MYO16: variants seen among roughly 807,000 people sequenced by gnomAD.
The protein encoded by MYO16 is unconventional myosin-XVI.
Under a neutral mutation model 205.3 loss-of-function variants are expected in MYO16, and 94 were observed. That is an observed-to-expected ratio of 0.46 (90% confidence interval 0.39 to 0.54). MYO16 has a LOEUF of 0.54. Among genes scored for constraint, MYO16 ranks in the 20% least tolerant of loss-of-function variants. The pLI is 0.00. For synonymous variants in MYO16, 988 were observed against 954.0 expected, an observed-to-expected ratio of 1.04 and a Z score of -0.66; for missense variants, 2,315 against 2,387.5, an observed-to-expected ratio of 0.97 and a Z score of 0.63.
chr13:109,170,677 A>G (rs1420786945), intron 33 of MYO16, among the ~76,000 whole-genome samples: 1 of 152,112 alleles, frequency 6.6e-6, no homozygotes, highest in East Asian at 1.9e-4. Flanking sequence ...AATAATAATA[A>G]TAAAAACGGC....
chr13:108,963,291 G>A lies in MYO16; in HGVS notation c.2227+796G>A, dbSNP rs992369717. 4.6e-5 allele frequency among the ~76,000 whole-genome samples: 7 copies of A among 152,040 alleles called. 1 individual carries two copies. The highest frequency in any genetic ancestry group is 1.3e-4 in the Admixed American group (2 of 15,248). ...GGGCCTATGTGCATGTATTTAGGTAGGTGAGTCATTATTCCTGCCTCACTT... is the reference window on the plus strand; with the variant it reads ...GGGCCTATGTGCATGTATTTAGGTAAGTGAGTCATTATTCCTGCCTCACTT... On this transcript the variant is annotated intron_variant, in intron 19 of 34. Coordinates refer to ENST00000457511, the MANE Select transcript of MYO16 (RefSeq NM_001198950.3).
chr13:108,855,396 T>A (rs528855546), intron 10 of MYO16, 47 bp from the exon 11 acceptor site: 1 of 1,191,904 alleles, frequency 8.4e-7, no homozygotes, highest in South Asian at 1.7e-5. Flanking sequence ...TGAAGAAAGT[T>A]GATTGGAAAG....
chr13:108,704,451 G>A lies in MYO16; in HGVS notation c.293-8210G>A, dbSNP rs150794134. The stretch of plus-strand genomic sequence containing the variant: ...ACCAACATGGCACATGTATACCTAT[G>A]TAACAAACCTGCATGTTGTGCACAT... On this transcript the variant is annotated intron_variant, in intron 2 of 34. Transcript: ENST00000457511. 1.5e-3 allele frequency among the ~76,000 whole-genome samples: 232 copies of A among 152,200 alleles called. 1 individual carries two copies. Among genetic ancestry groups the A allele is most frequent in the African/African-American group, 5.3e-3 (222 of 41,526 alleles).
chr13:108,499,062 A>T, the MYO16 span, among the ~76,000 whole-genome samples: 2 of 152,246 alleles, frequency 1.3e-5, no homozygotes, highest in East Asian at 3.9e-4. Flanking sequence ...CCTGCCCTGG[A>T]TGTGCTATTC....
chr13:108,932,839 A>G (rs1327364617), intron 16 of MYO16, among the ~76,000 whole-genome samples: 1 of 152,156 alleles, frequency 6.6e-6, no homozygotes, highest in Non-Finnish European at 1.5e-5. Flanking sequence ...AAAATAAGCC[A>G]AAGTTCCCAC....
the MYO16 span, among the ~76,000 whole-genome samples, chr13:108,590,044 C>A: frequency 1.3e-5 from 2 of 152,084 alleles, no homozygotes; most frequent in African/African-American, 4.8e-5. Flanking sequence ...ATTTCATAAT[C>A]CATATTATAC....
intron 20 of MYO16, among the ~76,000 whole-genome samples, chr13:108,979,012 T>G (rs1218474392): frequency 1.3e-5 from 2 of 152,042 alleles, no homozygotes; most frequent in African/African-American, 2.4e-5. Context: ...ATTTCAACTG[T>G]AGTTTGACAT....
chr13:108,977,958 C>T (rs1329946074), intron 20 of MYO16, among the ~76,000 whole-genome samples: 1 of 151,904 alleles, frequency 6.6e-6, no homozygotes, highest in Admixed American at 6.6e-5. Context: ...TTTTTTTCTT[C>T]CGCAAATATA....
At chr13:108,539,653 A>G in the MYO16 span, among the ~76,000 whole-genome samples, 1 of 152,018 alleles carries the variant, frequency 6.6e-6, no homozygotes, top group Admixed American at 6.6e-5. Context: ...GCTTATGGAG[A>G]AAGCGCTAAT....
At chr13:108,862,184 A>G (rs145440157) in intron 11 of MYO16, among the ~76,000 whole-genome samples, 1 of 152,210 alleles carries the variant, frequency 6.6e-6, no homozygotes, top group South Asian at 2.1e-4. Flanking sequence ...AATGCCAAAC[A>G]TCTATAATCC....
rs144211436 is a variant in MYO16, at chr13:108,669,676, G to A, written c.292+3527G>A. Among the ~76,000 whole-genome samples, 417 of 151,960 alleles carry A rather than the reference G, an allele frequency of 2.7e-3. 1 individual carries two copies. Among genetic ancestry groups the A allele is most frequent in the African/African-American group, 9.5e-3 (396 of 41,468 alleles). ...GGGGTTGTTTTTTTATTGTAAATTT[G>A]TTTAAGTTCCTTGTAGATTCTGGAT... On this transcript the variant is annotated intron_variant, in intron 2 of 34. Coordinates refer to ENST00000457511, the MANE Select transcript of MYO16 (RefSeq NM_001198950.3).
intron 5 of MYO16, among the ~76,000 whole-genome samples, chr13:108,788,082 G>A (rs1229265542): frequency 2.6e-5 from 4 of 152,010 alleles, no homozygotes; most frequent in Admixed American, 1.3e-4. Context: ...TTTCAGCATC[G>A]CCTTTTTATA....
At chr13:109,007,354 C>T (rs1427769944) in intron 21 of MYO16, among the ~76,000 whole-genome samples, 1 of 151,298 alleles carries the variant, frequency 6.6e-6, no homozygotes, top group African/African-American at 2.4e-5. Context: ...CGCCACTGCA[C>T]TCCAGCCTGG....
At chr13:109,046,143 C>T (rs1678980930) in intron 23 of MYO16, among the ~76,000 whole-genome samples, 1 of 152,148 alleles carries the variant, frequency 6.6e-6, no homozygotes, top group South Asian at 2.1e-4. Context: ...GGTTTTGTGT[C>T]TCCCATTATC....
At chr13:108,705,432 A>G (rs1424472660) in intron 2 of MYO16, among the ~76,000 whole-genome samples, 1 of 152,288 alleles carries the variant, frequency 6.6e-6, no homozygotes, top group East Asian at 1.9e-4. Context: ...TCATCATCAC[A>G]AGAAGAATAA....
Position 109,019,306 on chromosome 13 carries a change from C to T in MYO16, c.2596-405C>T, listed in dbSNP as rs181207455. On this transcript the variant is annotated intron_variant, in intron 22 of 34. Coordinates refer to ENST00000457511, the MANE Select transcript of MYO16 (RefSeq NM_001198950.3). The stretch of plus-strand genomic sequence containing the variant: ...CCATAATTTTTATGACTTAACATCA[C>T]GATAAGCTTTATTTTTTGATAAGTT... Among the ~76,000 whole-genome samples the T allele has an allele frequency of 3.3e-4, 50 of 152,124 alleles. No individual in the cohort carries two copies. The Middle Eastern group carries it at 0.01, about 31-fold the overall frequency.
intron 23 of MYO16, among the ~76,000 whole-genome samples, chr13:109,022,683 T>TAA: frequency 1.9e-5 from 1 of 53,104 alleles, no homozygotes; most frequent in African/African-American, 5.5e-5. Flanking sequence ...TATACACATA[T>TAA]AAACATGTAT....
chr13:108,824,066 C>T (rs779086753), intron 9 of MYO16, among the ~76,000 whole-genome samples: 2 of 152,008 alleles, frequency 1.3e-5, no homozygotes, highest in Non-Finnish European at 1.5e-5. Context: ...ATAAGTAAAT[C>T]TGTATGAATA....
chr13:108,800,369 G>A (rs931806035), intron 6 of MYO16, among the ~76,000 whole-genome samples: 11 of 152,120 alleles, frequency 7.2e-5, no homozygotes, highest in African/African-American at 2.7e-4. Flanking sequence ...TACACACAGT[G>A]GGAAGGGAAA....
Sources: gnomAD v4.1 joint callset for allele counts (sites outside exome capture counted in the v4.1 genomes callset) on GRCh38, gnomAD v4.1.1 for gene constraint, MANE v1.5 for transcripts, NCBI Gene and HGNC (gene_info 2026-07-23, HGNC 2026-07-21) for gene names.